Variants in TRAPPC3 observed in about 807,000 individuals in gnomAD.
The protein encoded by TRAPPC3 is trafficking protein particle complex 3.
Under a neutral mutation model 18.2 loss-of-function variants are expected in TRAPPC3, and 5 were observed. The ratio of observed to expected loss-of-function variants is 0.28; its 90% CI spans 0.14 to 0.58. The LOEUF is 0.58. Ranked by LOEUF, TRAPPC3 falls within the 20% of genes least tolerant of loss-of-function variation. TRAPPC3 has a pLI of 0.91. For synonymous variants in TRAPPC3, 65 were observed against 84.2 expected (o/e 0.77, Z 1.25); for missense variants, 176 against 225.9 (o/e 0.78, Z 1.41).
chr1:36,150,598 G>C (rs987818154), upstream of TRAPPC3, among the ~76,000 whole-genome samples: 1 of 152,218 alleles, frequency 6.6e-6, no homozygotes, highest in Non-Finnish European at 1.5e-5. Context: ...GAGGGCTGGG[G>C]GGCCGCTGAG....
At chr1:36,152,562 G>A (rs538373044), upstream of TRAPPC3, among the ~76,000 whole-genome samples, 2 of 152,182 alleles carry the variant, frequency 1.3e-5, no homozygotes, top group Non-Finnish European at 2.9e-5. Context: ...TGCCCACCTC[G>A]GCCTCCCAGA....
chr1:36,137,135 A>C lies in TRAPPC3; in HGVS notation c.*68T>G. ...CAAGAGTCACTGAGTTCTGGAGGGCAGAGGGAGCACAGAGGCCTGCTGATT... is the reference window on the plus strand; with the variant it reads ...CAAGAGTCACTGAGTTCTGGAGGGCCGAGGGAGCACAGAGGCCTGCTGATT... On this transcript the variant is annotated 3_prime_UTR_variant, in exon 5 of 5. Coordinates refer to ENST00000373166, the MANE Select transcript of TRAPPC3 (RefSeq NM_014408.5). 1 of 1,557,202 alleles carries C rather than the reference A, an allele frequency of 6.4e-7. No homozygotes were observed. Among genetic ancestry groups the C allele is most frequent in the Non-Finnish European group, 8.8e-7 (1 of 1,136,786 alleles).
chr1:36,142,113 C>T (rs1192003086), intron 1 of TRAPPC3, among the ~76,000 whole-genome samples: 1 of 151,928 alleles, frequency 6.6e-6, no homozygotes, highest in African/African-American at 2.4e-5. Context: ...AAGCCCTCCT[C>T]AATAAAAACA....
At chr1:36,148,955 T>C (rs890369436) in intron 1 of TRAPPC3, 1 of 720,854 alleles carries the variant, frequency 1.4e-6, no homozygotes, top group African/African-American at 1.9e-5. Flanking sequence ...ACGTAAGCTC[T>C]CCAAGCTGTA....
At chr1:36,149,690 C>A (rs930552697), upstream of TRAPPC3, among the ~76,000 whole-genome samples, 11 of 152,390 alleles carry the variant, frequency 7.2e-5, no homozygotes, top group South Asian at 2.1e-4. Flanking sequence ...TGGGCAGCAT[C>A]CTGGCCGCTG....
chr1:36,150,019 C>A (rs1428566862), upstream of TRAPPC3, among the ~76,000 whole-genome samples: 1 of 152,194 alleles, frequency 6.6e-6, no homozygotes, highest in Non-Finnish European at 1.5e-5. Flanking sequence ...GATGCCAGCA[C>A]CTGCCTTCTA....
intron 1 of TRAPPC3, among the ~76,000 whole-genome samples, chr1:36,144,330 A>G (rs1349195961): frequency 6.7e-6 from 1 of 150,236 alleles, no homozygotes; most frequent in Non-Finnish European, 1.5e-5. Flanking sequence ...GTCATAAAGA[A>G]AGAAGATTTT....
upstream of TRAPPC3, among the ~76,000 whole-genome samples, chr1:36,152,538 GACC>G (rs1413741268): frequency 6.6e-6 from 1 of 152,108 alleles, no homozygotes; most frequent in Admixed American, 6.5e-5. Context: ...GTGAACTCCT[GACC>G]TCAGGTCATC....
chr1:36,139,563 C>T (rs1262754305), intron 3 of TRAPPC3, 157 bp downstream of exon 3: 1 of 900,578 alleles, frequency 1.1e-6, no homozygotes, highest in Non-Finnish European at 1.7e-6. Context: ...ATAATCTATG[C>T]TATTCCCTAA....
intron 1 of TRAPPC3, among the ~76,000 whole-genome samples, chr1:36,148,516 AC>A (rs755140467): frequency 5.3e-4 from 77 of 145,652 alleles, no homozygotes; most frequent in Non-Finnish European, 9.9e-4. Flanking sequence ...AACTGCTTGA[AC>A]CTGGGAGGCA....
upstream of TRAPPC3, among the ~76,000 whole-genome samples, chr1:36,149,974 T>G (rs947804375): frequency 3.3e-5 from 5 of 152,252 alleles, no homozygotes; most frequent in Non-Finnish European, 7.3e-5. Context: ...AGCATTTCGC[T>G]AGTGTCTTTC....
upstream of TRAPPC3, chr1:36,149,505 G>A (rs1644251621): frequency 8.7e-6 from 11 of 1,269,004 alleles, no homozygotes; most frequent in South Asian, 9.0e-5. Context: ...GCGCCTGCGC[G>A]GCCTCCCGCG....
At chr1:36,141,875 T>C (rs1415612178) in intron 1 of TRAPPC3, among the ~76,000 whole-genome samples, 3 of 139,782 alleles carry the variant, frequency 2.1e-5, no homozygotes, top group Non-Finnish European at 4.5e-5. Context: ...GGAGAATCGC[T>C]AGAACCCGGG....
At chr1:36,139,851 G>A (rs1280283220) in intron 2 of TRAPPC3, 32 bp from the exon 3 acceptor site, 14 of 1,612,680 alleles carry the variant, frequency 8.7e-6, no homozygotes, top group Non-Finnish European at 1.2e-5. Flanking sequence ...AGACTATGAT[G>A]GAGTCTAAAT....
upstream of TRAPPC3, among the ~76,000 whole-genome samples, chr1:36,151,752 A>AC (rs1363665465): frequency 1.3e-5 from 2 of 151,992 alleles, no homozygotes; most frequent in Non-Finnish European, 2.9e-5. Context: ...TCCCCTCACC[A>AC]CCCTCTTCTC....
upstream of TRAPPC3, chr1:36,149,496 CGCCTGCGCG>C (rs1644251528): frequency 2.2e-6 from 3 of 1,364,302 alleles, no homozygotes; most frequent in Non-Finnish European, 3.0e-6. Context: ...TGACTCACTG[CGCCTGCGCG>C]GCCTCCCGCG....
chr1:36,151,199 A>G (rs74224943), upstream of TRAPPC3, among the ~76,000 whole-genome samples: 9,656 of 151,996 alleles, frequency 0.064, 785 homozygotes, highest in East Asian at 0.26. Flanking sequence ...GTTGATCTAT[A>G]TGATCCCCTC....
At chr1:36,140,499 C>G (rs191970927) in intron 1 of TRAPPC3, 1 of 223,134 alleles carries the variant, frequency 4.5e-6, no homozygotes, top group Non-Finnish European at 8.7e-6. Flanking sequence ...ATGGGAGCAA[C>G]GGTCATTCAC....
At chr1:36,148,567 C>T (rs1644233378) in intron 1 of TRAPPC3, among the ~76,000 whole-genome samples, 1 of 146,800 alleles carries the variant, frequency 6.8e-6, no homozygotes, top group African/African-American at 2.5e-5. Context: ...TGCACTCCAC[C>T]CCGGGTGACA....
Sources: allele counts gnomAD v4.1 joint callset (sites outside exome capture counted in the v4.1 genomes callset), GRCh38; gene constraint gnomAD v4.1.1; transcripts MANE v1.5; gene names NCBI Gene and HGNC (gene_info 2026-07-23, HGNC 2026-07-21).